MAML2: variants seen among roughly 807,000 people sequenced by gnomAD.
The protein encoded by MAML2 is mastermind-like protein 2.
MAML2 carries 22 observed loss-of-function variants against 96.1 expected under a neutral mutation model. That is an observed-to-expected ratio of 0.23 (90% confidence interval 0.16 to 0.33). The LOEUF is 0.33. Among genes scored for constraint, MAML2 ranks in the 10% least tolerant of loss-of-function variants. The probability of loss-of-function intolerance (pLI) is 1.00; values close to 1 mark genes in which losing one functional copy is unlikely to be tolerated. For synonymous variants in MAML2, 561 were observed against 521.3 expected (o/e 1.08, Z -1.04); for missense variants, 1,367 against 1,392.4 (o/e 0.98, Z 0.29).
At chr11:96,126,556 CA>C (rs1478462235) in intron 1 of MAML2, among the ~76,000 whole-genome samples, 3 of 152,082 alleles carry the variant, frequency 2.0e-5, no homozygotes, top group Non-Finnish European at 2.9e-5. Context: ...AGCGAGACTC[CA>C]TCTCACAAAA....
chr11:96,233,372 C>T (rs1445080062), intron 1 of MAML2, among the ~76,000 whole-genome samples: 1 of 150,260 alleles, frequency 6.7e-6, no homozygotes, highest in African/African-American at 2.5e-5. Flanking sequence ...AAAAAACAGA[C>T]ATTCATGTGT....
In MAML2 at chr11:96,230,955, T is replaced by A. The variant is rs977980944; in HGVS notation, c.513+110428A>T. On this transcript the variant is annotated intron_variant, in intron 1 of 4. Coordinates refer to ENST00000524717, the MANE Select transcript of MAML2 (RefSeq NM_032427.4). ...TAAATGCTCAGGTCCTGAGCTACAT[T>A]TCCATGTTTAGTAAATCAGGAAATA... is the stretch of plus-strand genomic sequence containing the variant. Among the ~76,000 whole-genome samples the A allele has an allele frequency of 3.0e-4, 46 of 152,266 alleles. 4 individuals carry two copies. The highest frequency in any genetic ancestry group is 4.4e-5 in the Non-Finnish European group (3 of 68,048).
At chr11:95,997,056 G>C (rs1396788712) in intron 2 of MAML2, among the ~76,000 whole-genome samples, 1 of 152,092 alleles carries the variant, frequency 6.6e-6, no homozygotes, top group Non-Finnish European at 1.5e-5. Context: ...CAGTTTTCTA[G>C]ACAAACCGTA....
intron 1 of MAML2, among the ~76,000 whole-genome samples, chr11:96,265,474 G>A (rs1251070206): frequency 6.7e-6 from 1 of 149,852 alleles, no homozygotes; most frequent in Non-Finnish European, 1.5e-5. Flanking sequence ...ATGGAAGAGG[G>A]GAAGGGAAGT....
intron 1 of MAML2, among the ~76,000 whole-genome samples, chr11:96,221,963 C>T (rs1222259923): frequency 6.6e-6 from 1 of 152,132 alleles, no homozygotes; most frequent in Non-Finnish European, 1.5e-5. Flanking sequence ...CTGTGTTTCA[C>T]CTCATTTCCT....
In MAML2 at chr11:96,109,364, G is replaced by C. The variant is rs185649744; in HGVS notation, c.514-15847C>G. ...ATTAGTGGACTTCAAGCAGGGGAGT[G>C]ACATGTCAGTAATGTATTTTGGAAA... On this transcript the variant is annotated intron_variant, in intron 1 of 4. Coordinates refer to ENST00000524717, the MANE Select transcript of MAML2 (RefSeq NM_032427.4). Among the ~76,000 whole-genome samples the C allele has an allele frequency of 1.2e-3, 186 of 152,250 alleles. 6 individuals are homozygous for C. Among genetic ancestry groups the C allele is most frequent in the Admixed American group, 0.012 (185 of 15,298 alleles).
rs561616243 is a variant in MAML2, at chr11:96,221,751, A to T, written c.513+119632T>A. On this transcript the variant is annotated intron_variant, in intron 1 of 4. Transcript: ENST00000524717. ...CTGATTTTGCACTTGAAAATTTCCA[A>T]GCTCTCAGAGTACTTCAGTGTTAAT... 1.9e-4 allele frequency among the ~76,000 whole-genome samples: 28 copies of T among 146,880 alleles called. No individual in the cohort carries two copies. The South Asian group carries it at 6.0e-3, about 32-fold the overall frequency.
At chr11:96,291,672 T>C (rs1369907913) in intron 1 of MAML2, among the ~76,000 whole-genome samples, 1 of 152,230 alleles carries the variant, frequency 6.6e-6, no homozygotes, top group Non-Finnish European at 1.5e-5. Flanking sequence ...CTTATTTCTC[T>C]TTTGTGTATT....
chr11:96,257,261 A>G (rs554497599), intron 1 of MAML2, among the ~76,000 whole-genome samples: 1 of 152,308 alleles, frequency 6.6e-6, no homozygotes, highest in South Asian at 2.1e-4. Context: ...TTTTAAAATC[A>G]CAGCTCTGGA....
At chr11:96,261,384 C>A (rs1352199415) in intron 1 of MAML2, among the ~76,000 whole-genome samples, 7 of 152,068 alleles carry the variant, frequency 4.6e-5, no homozygotes, top group Admixed American at 4.6e-4. Context: ...ATAAATTACC[C>A]AGTTTTGGGT....
intron 1 of MAML2, among the ~76,000 whole-genome samples, chr11:96,162,526 C>T (rs1861125424): frequency 1.3e-5 from 2 of 151,598 alleles, no homozygotes; most frequent in Non-Finnish European, 2.9e-5. Context: ...CCAGCCTGAC[C>T]CACGTGGAGA....
intron 1 of MAML2, among the ~76,000 whole-genome samples, chr11:96,128,004 G>A (rs756611271): frequency 1.3e-5 from 2 of 152,148 alleles, no homozygotes; most frequent in Non-Finnish European, 2.9e-5. Context: ...GTGTATACAA[G>A]TCACCTGGAT....
At chr11:96,338,725 C>T (rs775284094) in intron 1 of MAML2, among the ~76,000 whole-genome samples, 26 of 152,136 alleles carry the variant, frequency 1.7e-4, no homozygotes, top group Non-Finnish European at 3.5e-4. Context: ...TTATGGCATA[C>T]GAATTAACTA....
intron 1 of MAML2, among the ~76,000 whole-genome samples, chr11:96,212,137 G>GTGTGTGTGTGTGTT (rs1861981478): frequency 6.7e-6 from 1 of 150,248 alleles, no homozygotes; most frequent in African/African-American, 2.4e-5. Context: ...GTGTGTGTGT[G>GTGTGTGTGTGTGTT]TGTGTGTGTG....
At chr11:96,058,302 G>GTT (rs1859100803) in intron 2 of MAML2, among the ~76,000 whole-genome samples, 1 of 152,032 alleles carries the variant, frequency 6.6e-6, no homozygotes, top group Non-Finnish European at 1.5e-5. Flanking sequence ...GTTTTTGTTT[G>GTT]TTTGTTTGTT....
At chr11:96,293,157 G>A (rs1863239558) in intron 1 of MAML2, among the ~76,000 whole-genome samples, 1 of 152,146 alleles carries the variant, frequency 6.6e-6, no homozygotes, top group African/African-American at 2.4e-5. Flanking sequence ...AATCACTAAT[G>A]AAAATGGATA....
chr11:96,132,215 A>C (rs1860559231), intron 1 of MAML2, among the ~76,000 whole-genome samples: 1 of 152,204 alleles, frequency 6.6e-6, no homozygotes, highest in African/African-American at 2.4e-5. Flanking sequence ...GGAAAAAATG[A>C]ATATGCAAAA....
chr11:96,082,739 G>A (rs2135800323), intron 2 of MAML2, among the ~76,000 whole-genome samples: 2 of 152,348 alleles, frequency 1.3e-5, no homozygotes, highest in South Asian at 4.1e-4. Flanking sequence ...CTACCATCTG[G>A]AGGGACAAGG....
intron 1 of MAML2, among the ~76,000 whole-genome samples, chr11:96,264,572 G>T (rs1432545408): frequency 1.3e-5 from 2 of 152,142 alleles, no homozygotes; most frequent in African/African-American, 4.8e-5. Context: ...TAGTCACGCT[G>T]GGCAAGGCAT....
Sources: gnomAD v4.1 joint callset for allele counts (sites outside exome capture counted in the v4.1 genomes callset) on GRCh38, gnomAD v4.1.1 for gene constraint, MANE v1.5 for transcripts, NCBI Gene and HGNC (gene_info 2026-07-23, HGNC 2026-07-21) for gene names.